The following FAM78B variants were observed in gnomAD, a reference collection of about 807,000 sequenced individuals.
FAM78B encodes the protein family with sequence similarity 78 member B, also known as protein FAM78B.
In FAM78B, 10 loss-of-function variants were observed where a neutral mutation model predicts 20.0. The ratio of observed to expected loss-of-function variants is 0.50; its 90% CI spans 0.31 to 0.85. The LOEUF is 0.85. Ranked by LOEUF, FAM78B falls within the 40% of genes least tolerant of loss-of-function variation. FAM78B has a pLI of 0.05. For missense variants in FAM78B, 283 were observed against 345.0 expected (o/e 0.82, Z 1.42); for synonymous variants, 135 against 132.8 (o/e 1.02, Z -0.12).
At chr1:166,060,477 T>G (rs757209708) in exon 3 of FAM78B, 89 of 602,658 alleles carry the variant, frequency 1.5e-4, no homozygotes, top group Middle Eastern at 4.7e-4. Flanking sequence ...TCGTGGAGGG[T>G]GGGTAGGAGG....
chr1:166,057,810 T>C (rs1432715409), exon 3 of FAM78B: 3 of 152,150 alleles, frequency 2.0e-5, no homozygotes, highest in Non-Finnish European at 2.9e-5. Flanking sequence ...TTAACTGATA[T>C]AGTCAGTCAT....
chr1:166,105,639 A>C (rs1428720804), intron 1 of FAM78B, among the ~76,000 whole-genome samples: 1 of 152,262 alleles, frequency 6.6e-6, no homozygotes, highest in Non-Finnish European at 1.5e-5. Context: ...AGAAATGCAA[A>C]TCAAAACCAC....
At chr1:166,089,731 G>A (rs532537128) in intron 1 of FAM78B, among the ~76,000 whole-genome samples, 1 of 152,216 alleles carries the variant, frequency 6.6e-6, no homozygotes, top group South Asian at 2.1e-4. Context: ...GGGGTGAGGG[G>A]GAGGGTACCG....
rs114202276 is a variant in FAM78B, at chr1:166,084,881, C to A, written c.264-14118G>T. 1.2e-3 allele frequency among the ~76,000 whole-genome samples: 184 copies of A among 152,352 alleles called. 1 individual carries two copies. The highest frequency in any genetic ancestry group is 4.4e-3 in the African/African-American group (182 of 41,580). ...CCCCAAAGCCTGGCTTACCTTGGTG[C>A]CTGTACCTGGAGTCTACAATCCTGC... is the stretch of plus-strand genomic sequence containing the variant. On this transcript the variant is annotated intron_variant, in intron 1 of 1. Coordinates refer to ENST00000354422, the MANE Select transcript of FAM78B (RefSeq NM_001017961.5).
intron 1 of FAM78B, among the ~76,000 whole-genome samples, chr1:166,104,528 G>A (rs915342364): frequency 1.6e-4 from 25 of 152,090 alleles, no homozygotes; most frequent in African/African-American, 5.6e-4. Flanking sequence ...AAATCAATGT[G>A]CAAAAATCAC....
intron 1 of FAM78B, among the ~76,000 whole-genome samples, chr1:166,140,866 C>T (rs960426007): frequency 1.3e-5 from 2 of 152,310 alleles, no homozygotes; most frequent in Non-Finnish European, 2.9e-5. Context: ...CATGGGGCAG[C>T]AGCAGAAGCT....
At position 166,166,343 on chromosome 1, in the gene FAM78B, C is replaced by G. The variant is rs1254817109; in HGVS notation, c.-95G>C. 4.6e-5 allele frequency: 47 copies of G among 1,013,464 alleles called. No homozygotes were observed. The highest frequency in any genetic ancestry group is 5.5e-5 in the Non-Finnish European group (46 of 840,984). The allele number at this position is 1,013,464 out of a possible 1,614,324, so 62.8% of individuals were successfully genotyped here. ...CCGTCACGCCGGCATGGCGACGCGC[C>G]GCTCGCTCCCGGTCAGACTCAGCTC... On this transcript the variant is annotated 5_prime_UTR_variant, in exon 1 of 2. Coordinates refer to ENST00000354422, the MANE Select transcript of FAM78B (RefSeq NM_001017961.5).
chr1:166,138,987 T>A (rs1179545758), intron 1 of FAM78B, among the ~76,000 whole-genome samples: 2 of 152,232 alleles, frequency 1.3e-5, no homozygotes, highest in Non-Finnish European at 2.9e-5. Context: ...TCATGTTCCC[T>A]GAGTTGTCTC....
chr1:166,107,205 A>T (rs1279470186), intron 1 of FAM78B, among the ~76,000 whole-genome samples: 1 of 152,178 alleles, frequency 6.6e-6, no homozygotes, highest in Non-Finnish European at 1.5e-5. Context: ...GATAAATGAA[A>T]CGAAAAGCTG....
chr1:166,161,375 T>C (rs1656143499), intron 1 of FAM78B, among the ~76,000 whole-genome samples: 1 of 152,214 alleles, frequency 6.6e-6, no homozygotes, highest in Non-Finnish European at 1.5e-5. Flanking sequence ...CTTGAACTCC[T>C]GGGCTCAAGT....
At chr1:166,109,923 G>GTAT (rs1491273378) in intron 1 of FAM78B, among the ~76,000 whole-genome samples, 1 of 74,052 alleles carries the variant, frequency 1.4e-5, no homozygotes, top group Non-Finnish European at 2.9e-5. Context: ...TATATATAAT[G>GTAT]GAATACTATG....
At chr1:166,066,955 G>A (rs1015975155), downstream of FAM78B, among the ~76,000 whole-genome samples, 28 of 129,392 alleles carry the variant, frequency 2.2e-4, no homozygotes, top group Non-Finnish European at 3.6e-4. Flanking sequence ...TGCATGCAGC[G>A]AAGGGCCCAT....
intron 1 of FAM78B, among the ~76,000 whole-genome samples, chr1:166,161,830 A>C (rs1187315086): frequency 4.6e-5 from 7 of 152,186 alleles, no homozygotes; most frequent in Non-Finnish European, 8.8e-5. Context: ...GGGGATCGAG[A>C]GTTCGGGTCT....
chr1:166,131,139 G>A (rs544814260), intron 1 of FAM78B, among the ~76,000 whole-genome samples: 3 of 151,730 alleles, frequency 2.0e-5, no homozygotes, highest in Non-Finnish European at 2.9e-5. Flanking sequence ...CTACAGATGC[G>A]TGCCACCACA....
chr1:166,154,923 C>T, intron 1 of FAM78B: 1 of 440,328 alleles, frequency 2.3e-6, no homozygotes. Context: ...CTACCACTTG[C>T]ATTCTTCTGG....
chr1:166,137,106 T>C (rs1655094794), intron 1 of FAM78B, among the ~76,000 whole-genome samples: 2 of 152,086 alleles, frequency 1.3e-5, no homozygotes, highest in Admixed American at 1.3e-4. Flanking sequence ...GAGCATGAGG[T>C]TGGAAGGGAG....
downstream of FAM78B, among the ~76,000 whole-genome samples, chr1:166,056,665 A>C (rs561427424): frequency 6.6e-6 from 1 of 152,352 alleles, no homozygotes; most frequent in East Asian, 1.9e-4. Flanking sequence ...ACATTAAGCT[A>C]AAGTAAAATA....
chr1:166,151,914 C>T (rs1309488467), intron 1 of FAM78B, among the ~76,000 whole-genome samples: 1 of 152,184 alleles, frequency 6.6e-6, no homozygotes, highest in Non-Finnish European at 1.5e-5. Flanking sequence ...TAAATCCATA[C>T]CAGTACTTAA....
intron 1 of FAM78B, among the ~76,000 whole-genome samples, chr1:166,156,391 G>A (rs1370976729): frequency 6.6e-6 from 1 of 152,168 alleles, no homozygotes; most frequent in Non-Finnish European, 1.5e-5. Context: ...ATGGCTCTGA[G>A]GATGACCTCT....
Sources: allele counts gnomAD v4.1 joint callset (sites outside exome capture counted in the v4.1 genomes callset), GRCh38; gene constraint gnomAD v4.1.1; transcripts MANE v1.5; gene names NCBI Gene and HGNC (gene_info 2026-07-23, HGNC 2026-07-21).